MLLT3: variants seen among roughly 807,000 people sequenced by gnomAD.
MLLT3 encodes MLLT3 super elongation complex subunit, also known as protein AF-9.
A neutral mutation model predicts 53.2 loss-of-function variants in MLLT3; 4 were observed. The ratio of observed to expected loss-of-function variants is 0.08; its 90% confidence interval spans 0.04 to 0.17. The LOEUF (loss-of-function observed/expected upper bound fraction) is 0.17, where lower values mean the gene tolerates loss of function less well. Among genes scored for constraint, MLLT3 ranks in the 10% least tolerant of loss-of-function variants. MLLT3 has a pLI of 1.00. For missense variants in MLLT3, 569 were observed against 684.0 expected (o/e 0.83, Z 1.87); for synonymous variants, 283 against 230.6 (o/e 1.23, Z -2.06).
At chr9:20,559,349 C>T (rs1195572791) in intron 2 of MLLT3, among the ~76,000 whole-genome samples, 1 of 151,974 alleles carries the variant, frequency 6.6e-6, no homozygotes, top group Non-Finnish European at 1.5e-5. Flanking sequence ...ATAAACAAAG[C>T]TTTTGTTAAC....
At chr9:20,458,981 A>G (rs1824041588) in intron 2 of MLLT3, among the ~76,000 whole-genome samples, 1 of 152,218 alleles carries the variant, frequency 6.6e-6, no homozygotes, top group African/African-American at 2.4e-5. Context: ...ACTCAGGTCC[A>G]CAGCCCTGGA....
chr9:20,505,168 G>C (rs1825353083), intron 2 of MLLT3, among the ~76,000 whole-genome samples: 1 of 152,170 alleles, frequency 6.6e-6, no homozygotes, highest in African/African-American at 2.4e-5. Context: ...AGAAGTTGGT[G>C]AGATGCATGT....
intron 2 of MLLT3, among the ~76,000 whole-genome samples, chr9:20,493,166 A>G (rs1824994405): frequency 2.6e-5 from 4 of 151,998 alleles, no homozygotes; most frequent in African/African-American, 9.7e-5. Context: ...TCTTATTATT[A>G]GAAACTTTAT....
At position 20,446,061 on chromosome 9, in the gene MLLT3, C is replaced by T. The variant is rs149561860; in HGVS notation, c.420+2062G>A. ...TTTATTAGTCTACTGATTTTTTTTA[C>T]ATTTCTATAGAAGTTTATTTTAATC... On this transcript the variant is annotated intron_variant, in intron 4 of 10. Coordinates refer to ENST00000380338, the MANE Select transcript of MLLT3 (RefSeq NM_004529.4). Among the ~76,000 whole-genome samples, 703 of 152,182 alleles carry T rather than the reference C, an allele frequency of 4.6e-3. 4 individuals carry two copies. Among genetic ancestry groups the T allele is most frequent in the African/African-American group, 0.015 (619 of 41,532 alleles).
chr9:20,469,007 T>TA (rs1260017485), intron 2 of MLLT3, among the ~76,000 whole-genome samples: 3 of 152,182 alleles, frequency 2.0e-5, no homozygotes, highest in Non-Finnish European at 4.4e-5. Context: ...TATTTTTTAT[T>TA]AGACCATTAA....
In MLLT3 at chr9:20,464,472, G is replaced by C. The variant is rs140483994; in HGVS notation, c.194-7686C>G. Reference sequence around the variant, plus strand: ...GGGAGACAAAGGGAGGAAGTGGAGAGAAAGACAACATGCATATATAAAATA... The same window carrying C: ...GGGAGACAAAGGGAGGAAGTGGAGACAAAGACAACATGCATATATAAAATA... On this transcript the variant is annotated intron_variant, in intron 2 of 10. Transcript: ENST00000380338. Among the ~76,000 whole-genome samples the C allele has an allele frequency of 3.7e-3, 563 of 152,142 alleles. 3 individuals are homozygous for C. The highest frequency in any genetic ancestry group is 0.013 in the African/African-American group (526 of 41,544).
intron 2 of MLLT3, among the ~76,000 whole-genome samples, chr9:20,494,517 T>C (rs575398490): frequency 6.6e-6 from 1 of 152,310 alleles, no homozygotes; most frequent in Admixed American, 6.5e-5. Flanking sequence ...CTCAAAGTCA[T>C]ACTGCAATGA....
chr9:20,526,536 G>A (rs1818208800), intron 2 of MLLT3, among the ~76,000 whole-genome samples: 1 of 152,172 alleles, frequency 6.6e-6, no homozygotes, highest in Non-Finnish European at 1.5e-5. Context: ...TATAGCAGCA[G>A]TTAGTTCATA....
At chr9:20,372,554 A>ATT (rs34889625) in intron 5 of MLLT3, among the ~76,000 whole-genome samples, 99 of 82,216 alleles carry the variant, frequency 1.2e-3, no homozygotes, top group Non-Finnish European at 1.7e-3. Context: ...CGCCCGGCTA[A>ATT]TTTTTTTTTT....
At chr9:20,483,272 T>C (rs1563780140) in intron 2 of MLLT3, among the ~76,000 whole-genome samples, 1 of 152,050 alleles carries the variant, frequency 6.6e-6, no homozygotes, top group African/African-American at 2.4e-5. Flanking sequence ...TCTTGCTGTG[T>C]TGCCCAGGCT....
chr9:20,424,961 G>A (rs1823106968), intron 4 of MLLT3, among the ~76,000 whole-genome samples: 1 of 152,156 alleles, frequency 6.6e-6, no homozygotes, highest in African/African-American at 2.4e-5. Context: ...GGAACTATGT[G>A]AGTGCTTTCT....
intron 2 of MLLT3, among the ~76,000 whole-genome samples, chr9:20,606,693 T>G (rs1820579861): frequency 6.6e-6 from 1 of 152,010 alleles, no homozygotes; most frequent in Non-Finnish European, 1.5e-5. Flanking sequence ...AAACTTTAAG[T>G]CTATTTTTTT....
At chr9:20,385,496 A>G (rs1010392983) in intron 5 of MLLT3, among the ~76,000 whole-genome samples, 1 of 152,172 alleles carries the variant, frequency 6.6e-6, no homozygotes, top group African/African-American at 2.4e-5. Context: ...AAAAATTTTT[A>G]CAATAATTAT....
chr9:20,398,617 G>A (rs925940897), intron 5 of MLLT3, among the ~76,000 whole-genome samples: 4 of 151,956 alleles, frequency 2.6e-5, no homozygotes, highest in African/African-American at 4.8e-5. Context: ...CATATTTCAC[G>A]ATCACAAAGA....
At chr9:20,504,768 T>A (rs1470981288) in intron 2 of MLLT3, among the ~76,000 whole-genome samples, 1 of 152,170 alleles carries the variant, frequency 6.6e-6, no homozygotes, top group African/African-American at 2.4e-5. Context: ...GTACCTGAGA[T>A]AATGCATATG....
chr9:20,433,523 A>T (rs1027524860), intron 4 of MLLT3, among the ~76,000 whole-genome samples: 7 of 152,158 alleles, frequency 4.6e-5, no homozygotes, highest in African/African-American at 1.4e-4. Context: ...ATGCCATTCG[A>T]ATCAAGTAAT....
intron 2 of MLLT3, among the ~76,000 whole-genome samples, chr9:20,613,570 C>A (rs1261261315): frequency 2.0e-5 from 3 of 151,090 alleles, no homozygotes; most frequent in Admixed American, 2.0e-4. Flanking sequence ...TTATATCATT[C>A]TCTGCATTTC....
chr9:20,553,364 A>G (rs758180408), intron 2 of MLLT3, among the ~76,000 whole-genome samples: 42 of 152,178 alleles, frequency 2.8e-4, no homozygotes, highest in Non-Finnish European at 5.9e-4. Flanking sequence ...TCGGCCTCAC[A>G]TTTATTCGCA....
Position 20,368,324 on chromosome 9 carries a change from G to T in MLLT3, c.1126-2580C>A, listed in dbSNP as rs773234110. 2.0e-5 allele frequency among the ~76,000 whole-genome samples: 3 copies of T among 152,080 alleles called. No homozygotes were observed. In the South Asian group the frequency reaches 6.2e-4, roughly 32 times the overall value. On this transcript the variant is annotated intron_variant, in intron 5 of 10. Coordinates refer to ENST00000380338, the MANE Select transcript of MLLT3 (RefSeq NM_004529.4). ...GCAGAGTACTCCTCTTCCTCTCCAA[G>T]TTGCTCTTTTCAGCCATGAAAAGTG... is the stretch of plus-strand genomic sequence containing the variant.
Sources: allele counts gnomAD v4.1 joint callset (sites outside exome capture counted in the v4.1 genomes callset), GRCh38; gene constraint gnomAD v4.1.1; transcripts MANE v1.5; gene names NCBI Gene and HGNC (gene_info 2026-07-23, HGNC 2026-07-21).